GPR158: variants seen among roughly 807,000 people sequenced by gnomAD.
GPR158 encodes the protein metabotropic glycine receptor.
A neutral mutation model predicts 78.2 loss-of-function variants in GPR158; 30 were observed. That is an observed-to-expected ratio of 0.38 (90% CI 0.29 to 0.52). The LOEUF (loss-of-function observed/expected upper bound fraction) is 0.52, where lower values mean the gene tolerates loss of function less well. Ranked by LOEUF, GPR158 falls within the 20% of genes least tolerant of loss-of-function variation. GPR158 has a pLI of 0.83. For synonymous variants in GPR158, 581 were observed against 591.1 expected, an observed-to-expected ratio of 0.98 and a Z score of 0.25; for missense variants, 1,463 against 1,523.5, an observed-to-expected ratio of 0.96 and a Z score of 0.66.
At chr10:25,296,117 G>T (rs1014344735) in intron 2 of GPR158, among the ~76,000 whole-genome samples, 11 of 151,384 alleles carry the variant, frequency 7.3e-5, no homozygotes, top group South Asian at 2.1e-4. Context: ...CAGCCTGGTT[G>T]CAGGGGATAC....
chr10:25,276,541 G>A (rs1854185616), intron 2 of GPR158, among the ~76,000 whole-genome samples: 1 of 152,088 alleles, frequency 6.6e-6, no homozygotes, highest in African/African-American at 2.4e-5. Context: ...AAGTCATAAT[G>A]CTCTAAAACA....
intron 5 of GPR158, among the ~76,000 whole-genome samples, chr10:25,541,492 G>C (rs1836583250): frequency 6.6e-6 from 1 of 151,600 alleles, no homozygotes; most frequent in African/African-American, 2.4e-5. Flanking sequence ...AAATCATGAA[G>C]AGATTGTGTT....
At chr10:25,460,297 G>T (rs1380695550) in intron 4 of GPR158, among the ~76,000 whole-genome samples, 1 of 151,698 alleles carries the variant, frequency 6.6e-6, no homozygotes, top group East Asian at 1.9e-4. Flanking sequence ...TGCCTCCCAA[G>T]TTCAAGCAAT....
Position 25,444,012 on chromosome 10 carries a change from T to C in GPR158, c.1336-22639T>C, listed in dbSNP as rs188055119. Among the ~76,000 whole-genome samples the C allele has an allele frequency of 4.0e-3, 615 of 152,206 alleles. 8 individuals are homozygous for C. Among genetic ancestry groups the C allele is most frequent in the Non-Finnish European group, 7.1e-3 (483 of 67,976 alleles). ...CTTGCTGGACTAGATGATTCGTTGG[T>C]GTGGAGAGGGCTCCTGTGCTTTGTA... On this transcript the variant is annotated intron_variant, in intron 4 of 10. Coordinates refer to ENST00000376351, the MANE Select transcript of GPR158 (RefSeq NM_020752.3).
intron 5 of GPR158, chr10:25,475,981 G>C (rs1043858004): frequency 6.6e-6 from 1 of 152,094 alleles, no homozygotes; most frequent in African/African-American, 2.4e-5. Context: ...AGCAATCTTA[G>C]ACTACAGACG....
intron 1 of GPR158, among the ~76,000 whole-genome samples, chr10:25,177,653 T>G (rs574923006): frequency 6.6e-6 from 1 of 152,068 alleles, no homozygotes; most frequent in East Asian, 1.9e-4. Context: ...CCTCAGCTAC[T>G]TATCTGTCCA....
chr10:25,416,474 G>C (rs550868907), intron 4 of GPR158, among the ~76,000 whole-genome samples: 1 of 152,174 alleles, frequency 6.6e-6, no homozygotes, highest in Non-Finnish European at 1.5e-5. Flanking sequence ...GGCTTTTCTA[G>C]GAAGTTTAAG....
chr10:25,369,636 G>T (rs1223613030), intron 2 of GPR158, among the ~76,000 whole-genome samples: 9 of 151,586 alleles, frequency 5.9e-5, no homozygotes, highest in East Asian at 1.9e-4. Flanking sequence ...TCTCTTTTTT[G>T]GTTGTGTCTC....
chr10:25,185,586 T>G (rs1233121365), intron 1 of GPR158, among the ~76,000 whole-genome samples: 1 of 152,156 alleles, frequency 6.6e-6, no homozygotes, highest in Non-Finnish European at 1.5e-5. Context: ...CACTTTGGGA[T>G]GCCAAGGCAG....
chr10:25,431,194 C>T lies in GPR158; in HGVS notation c.1335+18721C>T, dbSNP rs1226514940. ...AAAAACAACCCCATCAAAAATTGGG[C>T]GAAGGACATGAACAGACAGTTCTCA... On this transcript the variant is annotated intron_variant, in intron 4 of 10. Transcript: ENST00000376351. Among the ~76,000 whole-genome samples the T allele has an allele frequency of 9.8e-5, 7 of 71,200 alleles. 3 individuals carry two copies. Among genetic ancestry groups the T allele is most frequent in the African/African-American group, 3.0e-4 (7 of 23,540 alleles). 46.7% of individuals were successfully genotyped at this position (71,200 alleles called of 152,430 possible).
At chr10:25,360,869 T>C (rs824149) in intron 2 of GPR158, among the ~76,000 whole-genome samples, 107,185 of 151,922 alleles carry the variant, frequency 0.71, 39,520 homozygotes, top group Non-Finnish European at 0.84. Context: ...GCCATTTTCA[T>C]GATATTGATT....
chr10:25,247,443 C>G (rs1009061829), intron 2 of GPR158, among the ~76,000 whole-genome samples: 1 of 142,062 alleles, frequency 7.0e-6, no homozygotes, highest in Non-Finnish European at 1.5e-5. Flanking sequence ...TTAGGTATAT[C>G]GCCCAATGCT....
chr10:25,586,115 T>C (rs964098919), intron 7 of GPR158, among the ~76,000 whole-genome samples: 1 of 152,188 alleles, frequency 6.6e-6, no homozygotes, highest in South Asian at 2.1e-4. Flanking sequence ...TGTAGAGGGC[T>C]AGGAATGCCG....
At chr10:25,184,207 T>C (rs1444435768) in intron 1 of GPR158, among the ~76,000 whole-genome samples, 1 of 152,218 alleles carries the variant, frequency 6.6e-6, no homozygotes, top group Non-Finnish European at 1.5e-5. Flanking sequence ...ATTTTTTATT[T>C]TCTTAAAAAG....
intron 2 of GPR158, among the ~76,000 whole-genome samples, chr10:25,335,646 G>A (rs1855187596): frequency 6.6e-6 from 1 of 151,972 alleles, no homozygotes; most frequent in African/African-American, 2.4e-5. Context: ...TGAAGGAATG[G>A]CTATTGTAAT....
At chr10:25,550,077 G>A (rs540661933) in intron 5 of GPR158, among the ~76,000 whole-genome samples, 1 of 152,260 alleles carries the variant, frequency 6.6e-6, no homozygotes, top group South Asian at 2.1e-4. Context: ...ACTCAAAACT[G>A]CACAGTAGCA....
intron 4 of GPR158, among the ~76,000 whole-genome samples, chr10:25,450,155 CAG>C (rs1311146423): frequency 1.3e-5 from 2 of 151,964 alleles, no homozygotes; most frequent in Non-Finnish European, 2.9e-5. Flanking sequence ...TTAGCCAGGC[CAG>C]AGAGAGCAGG....
chr10:25,317,158 C>A (rs113631589), intron 2 of GPR158, among the ~76,000 whole-genome samples: 7,658 of 151,824 alleles, frequency 0.05, 222 homozygotes, highest in African/African-American at 0.079. Context: ...GATTCTCCTG[C>A]CTCAGTCTCC....
In GPR158 at chr10:25,223,992, CAG is replaced by C. The variant is rs1853337481; in HGVS notation, c.1008+2837_1008+2838del. Among the ~76,000 whole-genome samples, 3 of 152,052 alleles carry C rather than the reference CAG, an allele frequency of 2.0e-5. No homozygotes were observed. The South Asian group carries it at 6.2e-4, about 31-fold the overall frequency. On this transcript the variant is annotated intron_variant, in intron 2 of 10. Transcript: ENST00000376351. ...AAAATATCAGGTCTGATGTTGGAAA[CAG>C]ATAAGTGATATGGAACCAATGACAA... is the stretch of plus-strand genomic sequence containing the variant.
Sources: gnomAD v4.1 joint callset for allele counts (sites outside exome capture counted in the v4.1 genomes callset) on GRCh38, gnomAD v4.1.1 for gene constraint, MANE v1.5 for transcripts, NCBI Gene and HGNC (gene_info 2026-07-23, HGNC 2026-07-21) for gene names.